Variants in KCNIP4 observed in about 807,000 individuals in gnomAD.
The protein encoded by KCNIP4 is potassium voltage-gated channel interacting protein 4.
A neutral mutation model predicts 34.0 loss-of-function variants in KCNIP4; 12 were observed. That is an observed-to-expected ratio of 0.35 (90% CI 0.23 to 0.57). The LOEUF (loss-of-function observed/expected upper bound fraction) is 0.57. Ranked by LOEUF, KCNIP4 falls within the 20% of genes least tolerant of loss-of-function variation. KCNIP4 has a pLI of 0.83. For synonymous variants in KCNIP4, 124 were observed against 102.2 expected, an observed-to-expected ratio of 1.21 and a Z score of -1.29; for missense variants, 238 against 311.7, an observed-to-expected ratio of 0.76 and a Z score of 1.78.
chr4:21,058,595 G>A (rs962924658), intron 1 of KCNIP4, among the ~76,000 whole-genome samples: 3 of 152,254 alleles, frequency 2.0e-5, no homozygotes, highest in Non-Finnish European at 2.9e-5. Flanking sequence ...TAATGCAGAG[G>A]AAGAGGACTG....
intron 1 of KCNIP4, among the ~76,000 whole-genome samples, chr4:21,074,417 A>G (rs1306133846): frequency 1.3e-5 from 2 of 152,182 alleles, no homozygotes; most frequent in Middle Eastern, 3.4e-3. Flanking sequence ...TTTCTAGTTT[A>G]TTTGCATAGA....
chr4:21,074,691 G>A (rs1380580971), intron 1 of KCNIP4, among the ~76,000 whole-genome samples: 3 of 152,140 alleles, frequency 2.0e-5, no homozygotes, highest in African/African-American at 7.2e-5. Context: ...TTTTGAATGT[G>A]TTTGCTCTTG....
At position 21,869,807 on chromosome 4, in the gene KCNIP4, T is replaced by C. The variant is rs1725668389; in HGVS notation, c.61+78764A>G. On this transcript the variant is annotated intron_variant, in intron 1 of 8. Coordinates refer to ENST00000382152, the MANE Select transcript of KCNIP4 (RefSeq NM_025221.6). ...ATAGACAGACAGACAGATAGATAGA[T>C]ATAGATCTATAGATAGGTATATCGC... Among the ~76,000 whole-genome samples the C allele has an allele frequency of 2.6e-5, 4 of 151,678 alleles. No homozygotes were observed. In the South Asian group the frequency reaches 8.3e-4, roughly 31 times the overall value.
chr4:20,756,646 C>A (rs115014052), intron 4 of KCNIP4, among the ~76,000 whole-genome samples: 1 of 151,700 alleles, frequency 6.6e-6, no homozygotes. Flanking sequence ...TCTGCTTGTG[C>A]GCTCCACTCC....
At position 21,681,277 on chromosome 4, in the gene KCNIP4, T is replaced by A. The variant is rs141273580; in HGVS notation, c.61+267294A>T. 4.0e-3 allele frequency among the ~76,000 whole-genome samples: 610 copies of A among 150,694 alleles called. 2 individuals carry two copies. Among genetic ancestry groups the A allele is most frequent in the African/African-American group, 0.014 (570 of 40,334 alleles). ...CACCATGCCAGGCTAATTTTAATTT[T>A]TTTTTTTTTTTTAAAGACAAGGCCT... On this transcript the variant is annotated intron_variant, in intron 1 of 8. Transcript: ENST00000382152.
intron 1 of KCNIP4, among the ~76,000 whole-genome samples, chr4:21,545,451 G>T (rs1197412570): frequency 6.6e-6 from 1 of 152,036 alleles, no homozygotes; most frequent in African/African-American, 2.4e-5. Context: ...TTTATTACAT[G>T]GCTATACACG....
chr4:20,850,400 T>C (rs1720877652), intron 3 of KCNIP4, 143 bp downstream of exon 3: 1 of 864,866 alleles, frequency 1.2e-6, no homozygotes. Context: ...AGATACTGAT[T>C]ATATTCCTAT....
chr4:21,349,035 T>C (rs1409259830), intron 1 of KCNIP4, among the ~76,000 whole-genome samples: 1 of 152,182 alleles, frequency 6.6e-6, no homozygotes, highest in Non-Finnish European at 1.5e-5. Context: ...GCAAGGAGAT[T>C]AAATAAGATA....
intron 1 of KCNIP4, among the ~76,000 whole-genome samples, chr4:21,828,253 A>G (rs1441850236): frequency 6.6e-6 from 1 of 151,800 alleles, no homozygotes; most frequent in East Asian, 1.9e-4. Flanking sequence ...CGGATTAGAC[A>G]CAGTATATTA....
chr4:20,824,220 G>A (rs568016437), intron 3 of KCNIP4, among the ~76,000 whole-genome samples: 1 of 152,334 alleles, frequency 6.6e-6, no homozygotes, highest in African/African-American at 2.4e-5. Context: ...GTGTGTGTAT[G>A]TGTGTATACA....
intron 1 of KCNIP4, among the ~76,000 whole-genome samples, chr4:20,995,602 A>G (rs974198583): frequency 6.6e-6 from 1 of 152,052 alleles, no homozygotes; most frequent in Non-Finnish European, 1.5e-5. Flanking sequence ...TCAAAGAACC[A>G]CTCTCAGTCA....
At chr4:21,539,999 C>CA (rs56948957) in intron 1 of KCNIP4, among the ~76,000 whole-genome samples, 14,444 of 114,562 alleles carry the variant, frequency 0.13, 849 homozygotes, top group East Asian at 0.25. Flanking sequence ...AACAAACAGA[C>CA]AAAAAAAAAA....
chr4:21,118,862 G>T (rs984830242), intron 1 of KCNIP4, among the ~76,000 whole-genome samples: 1 of 152,148 alleles, frequency 6.6e-6, no homozygotes, highest in Non-Finnish European at 1.5e-5. Context: ...ACAGAGGCTT[G>T]ACTTCTTGCC....
intron 1 of KCNIP4, among the ~76,000 whole-genome samples, chr4:21,752,575 G>A (rs890411660): frequency 2.0e-5 from 3 of 151,984 alleles, no homozygotes; most frequent in Non-Finnish European, 4.4e-5. Context: ...TATCACATGG[G>A]TACTAGAGGA....
intron 1 of KCNIP4, among the ~76,000 whole-genome samples, chr4:21,916,495 C>T (rs980874070): frequency 6.6e-6 from 1 of 152,154 alleles, no homozygotes; most frequent in East Asian, 1.9e-4. Context: ...AGAAATTCTC[C>T]ATGATTACAT....
At chr4:21,361,181 C>G (rs958635110) in intron 1 of KCNIP4, among the ~76,000 whole-genome samples, 1 of 152,048 alleles carries the variant, frequency 6.6e-6, no homozygotes, top group Non-Finnish European at 1.5e-5. Flanking sequence ...TAAAGACAAG[C>G]ACTGGAGTCA....
At chr4:21,105,441 A>G (rs1463380714) in intron 1 of KCNIP4, among the ~76,000 whole-genome samples, 6 of 151,696 alleles carry the variant, frequency 4.0e-5, no homozygotes, top group South Asian at 2.1e-4. Context: ...TTTGCACATC[A>G]ATTTTGTATC....
chr4:21,316,870 C>T (rs1713818727), intron 1 of KCNIP4, among the ~76,000 whole-genome samples: 2 of 152,168 alleles, frequency 1.3e-5, no homozygotes, highest in African/African-American at 4.8e-5. Context: ...TATGTACTTG[C>T]TACCACCCTA....
chr4:21,285,034 A>T (rs889567776), intron 1 of KCNIP4, among the ~76,000 whole-genome samples: 1 of 152,168 alleles, frequency 6.6e-6, no homozygotes, highest in African/African-American at 2.4e-5. Context: ...AGGCAGTGCC[A>T]CATTTGATAC....
Sources: allele counts gnomAD v4.1 joint callset (sites outside exome capture counted in the v4.1 genomes callset), GRCh38; gene constraint gnomAD v4.1.1; transcripts MANE v1.5; gene names NCBI Gene and HGNC (gene_info 2026-07-23, HGNC 2026-07-21).